RAD51C: variants seen among roughly 807,000 people sequenced by gnomAD.
The protein encoded by RAD51C is RAD51 paralog C, also known as DNA repair protein RAD51 homolog 3.
A neutral mutation model predicts 45.0 loss-of-function variants in RAD51C; 42 were observed. That is an observed-to-expected ratio of 0.93 (90% CI 0.73 to 1.21). The LOEUF is 1.21. RAD51C is among the 50% of genes most tolerant of loss of function. The pLI is 0.00. For missense variants in RAD51C, 474 were observed against 452.2 expected (o/e 1.05, Z -0.44); for synonymous variants, 172 against 159.8 (o/e 1.08, Z -0.58).
intron 3 of RAD51C, among the ~76,000 whole-genome samples, chr17:58,699,275 G>T (rs1398746102): frequency 6.6e-6 from 1 of 152,066 alleles, no homozygotes; most frequent in African/African-American, 2.4e-5. Context: ...CAAAGTGCTG[G>T]GATTACAGGC....
intron 3 of RAD51C, among the ~76,000 whole-genome samples, chr17:58,702,443 G>A (rs1051338728): frequency 4.0e-5 from 6 of 151,872 alleles, no homozygotes; most frequent in Admixed American, 6.6e-5. Context: ...AATCCCAGGC[G>A]TGAATTTGGG....
At chr17:58,728,615 C>T (rs2049269852) in intron 7 of RAD51C, among the ~76,000 whole-genome samples, 1 of 151,830 alleles carries the variant, frequency 6.6e-6, no homozygotes, top group African/African-American at 2.4e-5. Context: ...CCAGGCTGGC[C>T]TCGAACTCCT....
chr17:58,701,700 AC>A (rs2048218074), intron 3 of RAD51C, among the ~76,000 whole-genome samples: 1 of 150,784 alleles, frequency 6.6e-6, no homozygotes, highest in Non-Finnish European at 1.5e-5. Context: ...CCTCCCGAGT[AC>A]CTGGGATTAC....
chr17:58,698,463 C>T (rs1242710335), intron 3 of RAD51C, among the ~76,000 whole-genome samples: 1 of 151,704 alleles, frequency 6.6e-6, no homozygotes, highest in African/African-American at 2.4e-5. Context: ...GGATTACAGG[C>T]ATGAGCCACC....
At chr17:58,693,970 C>G (rs1158156779) in intron 1 of RAD51C, 1 of 152,186 alleles carries the variant, frequency 6.6e-6, no homozygotes, top group Non-Finnish European at 1.5e-5. Context: ...ATATATCAAA[C>G]TGATAAGTGA....
intron 2 of RAD51C, chr17:58,695,414 G>T: frequency 8.2e-7 from 1 of 1,217,258 alleles, no homozygotes. Context: ...TTTGCAAATT[G>T]TACTGCAGTC....
intron 1 of RAD51C, 166 bp from the exon 2 acceptor site, chr17:58,694,763 CTG>C (rs1266692610): frequency 2.7e-6 from 2 of 748,252 alleles, no homozygotes; most frequent in African/African-American, 3.5e-5. Flanking sequence ...GCATGAGCCA[CTG>C]TGTCCGGCCA....
At chr17:58,705,344 T>TTG (rs1555597905) in intron 4 of RAD51C, among the ~76,000 whole-genome samples, 96 of 134,172 alleles carry the variant, frequency 7.2e-4, no homozygotes, top group African/African-American at 2.5e-3. Flanking sequence ...TTCTTTTTTT[T>TTG]GGGGGGGGGG....
chr17:58,726,792 A>AT (rs947280325), intron 7 of RAD51C, among the ~76,000 whole-genome samples: 1 of 152,024 alleles, frequency 6.6e-6, no homozygotes, highest in Admixed American at 6.6e-5. Flanking sequence ...TGAAAATAGT[A>AT]TTATCTACAT....
intron 4 of RAD51C, 106 bp downstream of exon 4, chr17:58,703,435 A>G: frequency 3.2e-6 from 4 of 1,265,596 alleles, no homozygotes; most frequent in Non-Finnish European, 4.4e-6. Context: ...GTCAAAGCCA[A>G]TTGAGAAAAT....
intron 7 of RAD51C, among the ~76,000 whole-genome samples, chr17:58,730,753 T>C (rs1054829335): frequency 2.0e-5 from 3 of 152,216 alleles, no homozygotes; most frequent in African/African-American, 7.2e-5. Context: ...GGTTAGAATC[T>C]GTATTTTTTA....
intron 4 of RAD51C, 24 bp from the exon 5 acceptor site, chr17:58,709,835 T>C (rs754138657): frequency 6.9e-6 from 11 of 1,587,378 alleles, no homozygotes; most frequent in Non-Finnish European, 9.5e-6. Flanking sequence ...GTAACAAATC[T>C]AATATTATCT....
chr17:58,703,645 T>G (rs1327895989), intron 4 of RAD51C, among the ~76,000 whole-genome samples: 1 of 152,148 alleles, frequency 6.6e-6, no homozygotes, highest in African/African-American at 2.4e-5. Context: ...GCTACTGTTT[T>G]CTAGTGCCTC....
rs2143930779 is a variant in RAD51C, at chr17:58,720,779, G to T, written c.871G>T (p.Asp291Tyr). Residue 291 changes from aspartate to tyrosine, a missense_variant, in exon 6 of 9, where the codon GAT (aspartate) becomes TAT (tyrosine). Transcript: ENST00000337432. ...AACCAATCAGATGACAACAAAGATTGATAGAAATCAGGCCTTGCTTGTTCC... is the reference window on the plus strand; with the variant it reads ...AACCAATCAGATGACAACAAAGATTTATAGAAATCAGGCCTTGCTTGTTCC... ...ILTNQMTTKI[D>Y]RNQALLVPAL... 6.2e-7 allele frequency: 1 copy of T among 1,612,576 alleles called. No individual in the cohort carries two copies. The highest frequency in any genetic ancestry group is 1.1e-5 in the South Asian group (1 of 91,054).
At chr17:58,692,573 G>A, upstream of RAD51C, 2 of 1,591,426 alleles carry the variant, frequency 1.3e-6, no homozygotes, top group Admixed American at 1.8e-5. Flanking sequence ...CTTTACGTCT[G>A]ACGTCACGCC....
intron 7 of RAD51C, among the ~76,000 whole-genome samples, chr17:58,726,059 T>A (rs1355392895): frequency 6.6e-6 from 1 of 151,416 alleles, no homozygotes; most frequent in Non-Finnish European, 1.5e-5. Flanking sequence ...ATAGATAGAT[T>A]GGGGGAAATC....
intron 3 of RAD51C, among the ~76,000 whole-genome samples, chr17:58,697,273 C>T (rs1212374714): frequency 6.6e-6 from 1 of 152,080 alleles, no homozygotes; most frequent in Non-Finnish European, 1.5e-5. Context: ...ATGCAGTGCT[C>T]ATGCCTGTAA....
chr17:58,702,842 G>A (rs759554432), intron 3 of RAD51C, among the ~76,000 whole-genome samples: 22 of 152,172 alleles, frequency 1.4e-4, no homozygotes, highest in Non-Finnish European at 2.9e-4. Flanking sequence ...CAGCCTGGGC[G>A]TCAGAGTGAG....
intron 5 of RAD51C, among the ~76,000 whole-genome samples, chr17:58,719,841 G>A (rs1247382122): frequency 6.7e-6 from 1 of 149,058 alleles, no homozygotes; most frequent in South Asian, 2.1e-4. Context: ...CCATTCTCCT[G>A]TCTCAGCCTC....
Sources: gnomAD v4.1 joint callset for allele counts (sites outside exome capture counted in the v4.1 genomes callset) on GRCh38, gnomAD v4.1.1 for gene constraint, MANE v1.5 for transcripts, NCBI Gene and HGNC (gene_info 2026-07-23, HGNC 2026-07-21) for gene names.